GLI3: variants seen among roughly 807,000 people sequenced by gnomAD.
GLI3 encodes the protein transcription activator GLI3.
Under a neutral mutation model 100.8 loss-of-function variants are expected in GLI3, and 20 were observed. The observed-to-expected ratio is 0.20, with a 90% CI of 0.14 to 0.29. GLI3 has a LOEUF of 0.29. Ranked by LOEUF, GLI3 falls within the 10% of genes least tolerant of loss-of-function variation. The pLI is 1.00. For synonymous variants in GLI3, 938 were observed against 860.5 expected (o/e 1.09, Z -1.58); for missense variants, 2,040 against 2,128.5 (o/e 0.96, Z 0.82).
intron 10 of GLI3, among the ~76,000 whole-genome samples, chr7:41,991,698 G>A (rs1235839428): frequency 6.6e-6 from 1 of 152,140 alleles, no homozygotes; most frequent in East Asian, 1.9e-4. Context: ...AAGGTGAATG[G>A]GAAACAATGG....
At chr7:42,227,961 C>T (rs1284777687) in intron 1 of GLI3, among the ~76,000 whole-genome samples, 1 of 152,222 alleles carries the variant, frequency 6.6e-6, no homozygotes, top group Non-Finnish European at 1.5e-5. Context: ...TCTTTCTCTG[C>T]GCTTTCCTGT....
At chr7:42,144,833 C>G (rs1786663175) in intron 3 of GLI3, among the ~76,000 whole-genome samples, 1 of 152,096 alleles carries the variant, frequency 6.6e-6, no homozygotes, top group South Asian at 2.1e-4. Flanking sequence ...TGTGAGTGTT[C>G]ACATGGCCAG....
At position 41,967,722 on chromosome 7, in the gene GLI3, G is replaced by T. The variant is rs1325519136; in HGVS notation, c.2305C>A (p.Pro769Thr). The T allele has an allele frequency of 2.5e-6, 4 of 1,614,170 alleles. No homozygotes were observed. The highest frequency in any genetic ancestry group is 8.5e-7 in the Non-Finnish European group (1 of 1,180,036). Residue 769 changes from proline (P) to threonine (T), a missense_variant, in exon 14 of 15, where the codon CCG becomes ACG. Physicochemically the swap from Pro to Thr is conservative, Grantham distance 38 (BLOSUM62 -1). Transcript: ENST00000395925. The part of the protein sequence containing the change: ...TALALQARRN[P>T]AGTKWMEHVK... ...TGCTCCATCCATTTGGTCCCTGCCG[G>T]GTTTCTCCTGGCTTGCAAAGCAAGG...
rs188956549 is a variant in GLI3 at position 42,045,093 on chromosome 7, C to T, written c.826+291G>A. On this transcript the variant is annotated intron_variant, in intron 6 of 14. Transcript: ENST00000395925. ...GTAGAGATAGATCTCGCTATGTCAC[C>T]TGGGCTGGGATTTTTTTTAACCAGC... is the stretch of plus-strand genomic sequence containing the variant. 1.2e-4 allele frequency among the ~76,000 whole-genome samples: 19 copies of T among 152,254 alleles called. No individual in the cohort carries two copies. In the East Asian group the frequency reaches 3.5e-3, roughly 28 times the overall value.
intron 4 of GLI3, among the ~76,000 whole-genome samples, chr7:42,055,083 A>G (rs1784429524): frequency 7.3e-6 from 1 of 136,420 alleles, no homozygotes. Context: ...ATATATGTAT[A>G]TATACATATA....
intron 1 of GLI3, among the ~76,000 whole-genome samples, chr7:42,251,688 A>G (rs1789033955): frequency 6.6e-6 from 1 of 152,312 alleles, no homozygotes; most frequent in African/African-American, 2.4e-5. Context: ...TATGGCCTCA[A>G]TTATGACGTG....
intron 3 of GLI3, among the ~76,000 whole-genome samples, chr7:42,121,488 A>G (rs148087605): frequency 1.3e-5 from 2 of 152,270 alleles, no homozygotes; most frequent in Non-Finnish European, 2.9e-5. Flanking sequence ...CGAAATACCA[A>G]TGTATGTTAT....
intron 1 of GLI3, among the ~76,000 whole-genome samples, chr7:42,250,366 G>A (rs146258118): frequency 1.3e-5 from 2 of 152,314 alleles, no homozygotes; most frequent in East Asian, 1.9e-4. Context: ...GAGGACTTGG[G>A]TGATTAACTA....
At chr7:42,066,037 G>A (rs17172001) in intron 4 of GLI3, among the ~76,000 whole-genome samples, 5,412 of 152,234 alleles carry the variant, frequency 0.036, 155 homozygotes, top group Non-Finnish European at 0.051. Context: ...CACACAGGCC[G>A]GAATCAAATG....
Position 42,148,361 on chromosome 7 carries a change from A to C in GLI3, c.232T>G (p.Ser78Ala), listed in dbSNP as rs1356902565. 26 of 1,613,922 alleles carry C rather than the reference A, an allele frequency of 1.6e-5. No individual in the cohort carries two copies. The highest frequency in any genetic ancestry group is 1.6e-4 in the Middle Eastern group (1 of 6,084). ...LSKVSEEPSTSSDERASLIKK... is the reference protein window; with the variant it reads ...LSKVSEEPSTASDERASLIKK... ...ATCAATGAGGCCCTCTCGTCACTCG[A>C]TGTTGAAGGTTCCTCACTGACTTTG... The change falls in exon 3 of 15, where the codon TCG (serine) becomes GCG (alanine). Residue 78 changes from serine (S) to alanine (A), a missense_variant. Coordinates refer to ENST00000395925, the MANE Select transcript of GLI3 (RefSeq NM_000168.6).
At chr7:42,257,530 G>C (rs1179802172) in intron 1 of GLI3, among the ~76,000 whole-genome samples, 1 of 151,962 alleles carries the variant, frequency 6.6e-6, no homozygotes, top group Non-Finnish European at 1.5e-5. Flanking sequence ...ATTTTTAGTA[G>C]AGATGGGGTT....
At chr7:42,256,153 A>C (rs6463098) in intron 1 of GLI3, among the ~76,000 whole-genome samples, 1 of 152,018 alleles carries the variant, frequency 6.6e-6, no homozygotes, top group African/African-American at 2.4e-5. Flanking sequence ...AATGTTTTTT[A>C]ATCTTATTGT....
At chr7:42,234,615 T>C (rs1165701323) in intron 1 of GLI3, among the ~76,000 whole-genome samples, 3 of 152,218 alleles carry the variant, frequency 2.0e-5, no homozygotes, top group African/African-American at 7.2e-5. Flanking sequence ...AACACAAGCA[T>C]GTTAAAGGCA....
chr7:42,138,865 C>T (rs541863099), intron 3 of GLI3, among the ~76,000 whole-genome samples: 1 of 152,306 alleles, frequency 6.6e-6, no homozygotes, highest in South Asian at 2.1e-4. Flanking sequence ...AGTGGGCTCC[C>T]TTTGATCCTC....
At chr7:42,240,950 A>G (rs1460114618), upstream of GLI3, among the ~76,000 whole-genome samples, 1 of 152,222 alleles carries the variant, frequency 6.6e-6, no homozygotes, top group African/African-American at 2.4e-5. Context: ...CAGTTCTTCC[A>G]TCTCCCTGCA....
chr7:42,026,149 C>T (rs1017618260), intron 8 of GLI3, 50 bp downstream of exon 8: 15 of 1,343,112 alleles, frequency 1.1e-5, no homozygotes, highest in Non-Finnish European at 1.6e-5. Context: ...TGGCCTGCCC[C>T]CACCCTCGGC....
At chr7:42,155,841 A>G (rs1786989902) in intron 2 of GLI3, among the ~76,000 whole-genome samples, 1 of 152,264 alleles carries the variant, frequency 6.6e-6, no homozygotes, top group South Asian at 2.1e-4. Context: ...TTTTAAAAAG[A>G]TAATGACAAT....
intron 6 of GLI3, among the ~76,000 whole-genome samples, chr7:42,044,948 C>A (rs1055550269): frequency 2.6e-5 from 4 of 152,040 alleles, no homozygotes; most frequent in African/African-American, 9.7e-5. Flanking sequence ...AGTGCAGTGG[C>A]GTGACCAAGA....
At chr7:42,145,367 C>G (rs1370253571) in intron 3 of GLI3, 1 of 393,996 alleles carries the variant, frequency 2.5e-6, no homozygotes, top group Non-Finnish European at 4.5e-6. Context: ...ACATAAAACA[C>G]TTTCTGCTAA....
Sources: allele counts gnomAD v4.1 joint callset (sites outside exome capture counted in the v4.1 genomes callset), GRCh38; gene constraint gnomAD v4.1.1; transcripts MANE v1.5; gene names NCBI Gene and HGNC (gene_info 2026-07-23, HGNC 2026-07-21).